EXOC2: variants seen among roughly 807,000 people sequenced by gnomAD.
The protein encoded by EXOC2 is SEC5-like 1.
In EXOC2, 70 loss-of-function variants were observed where a neutral mutation model predicts 131.8. That is an observed-to-expected ratio of 0.53 (90% CI 0.44 to 0.65). The LOEUF is 0.65. Ranked by LOEUF, EXOC2 falls within the 30% of genes least tolerant of loss-of-function variation. EXOC2 has a pLI of 0.00. For synonymous variants in EXOC2, 411 were observed against 398.4 expected (o/e 1.03, Z -0.38); for missense variants, 923 against 1,108.6 (o/e 0.83, Z 2.38).
intron 23 of EXOC2, among the ~76,000 whole-genome samples, chr6:510,682 A>G (rs1213847676): frequency 1.3e-5 from 2 of 152,208 alleles, no homozygotes; most frequent in Non-Finnish European, 2.9e-5. Flanking sequence ...TTATCCTAAC[A>G]TAAGATGTCA....
intron 6 of EXOC2, among the ~76,000 whole-genome samples, chr6:613,768 T>A (rs926104105): frequency 6.6e-6 from 1 of 152,152 alleles, no homozygotes; most frequent in Non-Finnish European, 1.5e-5. Context: ...CATCAGGAGA[T>A]ATACCTAATG....
intron 4 of EXOC2, among the ~76,000 whole-genome samples, chr6:622,395 G>A (rs980750577): frequency 6.6e-6 from 1 of 152,136 alleles, no homozygotes; most frequent in Non-Finnish European, 1.5e-5. Context: ...ACGAAAGAAG[G>A]CTGAGAAGTC....
chr6:532,688 C>G, intron 22 of EXOC2, 78 bp from the exon 23 acceptor site: 1 of 1,269,796 alleles, frequency 7.9e-7, no homozygotes, highest in South Asian at 2.5e-5. Flanking sequence ...ACAATAAATA[C>G]TTCAGACTAT....
At chr6:578,693 G>A (rs1446572284) in intron 11 of EXOC2, among the ~76,000 whole-genome samples, 1 of 152,146 alleles carries the variant, frequency 6.6e-6, no homozygotes, top group Non-Finnish European at 1.5e-5. Flanking sequence ...AATAAATGCT[G>A]TGCATACATT....
intron 23 of EXOC2, among the ~76,000 whole-genome samples, chr6:518,701 A>C (rs1765297079): frequency 6.6e-6 from 1 of 152,222 alleles, no homozygotes; most frequent in Admixed American, 6.5e-5. Context: ...ACAGCTTATA[A>C]AGAAGAAGAA....
At chr6:526,665 C>T (rs1261097107) in intron 23 of EXOC2, among the ~76,000 whole-genome samples, 1 of 151,990 alleles carries the variant, frequency 6.6e-6, no homozygotes, top group Non-Finnish European at 1.5e-5. Flanking sequence ...GTCTTGAACT[C>T]CCGACCTCAG....
chr6:683,253 A>G (rs1253512734), intron 1 of EXOC2, among the ~76,000 whole-genome samples: 1 of 152,246 alleles, frequency 6.6e-6, no homozygotes. Context: ...TAAAGAAGCT[A>G]AACAATGCAA....
chr6:540,901 A>G (rs1642610730), intron 22 of EXOC2, among the ~76,000 whole-genome samples: 2 of 152,252 alleles, frequency 1.3e-5, no homozygotes, highest in African/African-American at 4.8e-5. Context: ...AAAGGAGCCA[A>G]GGAAAAACCT....
chr6:554,708 T>C (rs965008327), intron 20 of EXOC2, among the ~76,000 whole-genome samples: 4 of 142,424 alleles, frequency 2.8e-5, no homozygotes, highest in African/African-American at 5.5e-5. Context: ...CAAGTATAAT[T>C]CAGAAAGAAC....
At chr6:671,926 A>T (rs1455459541) in intron 1 of EXOC2, among the ~76,000 whole-genome samples, 2 of 151,798 alleles carry the variant, frequency 1.3e-5, no homozygotes, top group Non-Finnish European at 2.9e-5. Flanking sequence ...TTATTTATTT[A>T]TTTTTTGGTA....
intron 13 of EXOC2, 52 bp from the exon 14 acceptor site, chr6:564,981 A>G: frequency 2.1e-6 from 3 of 1,445,252 alleles, no homozygotes; most frequent in Non-Finnish European, 2.8e-6. Context: ...TTTAAAAATA[A>G]GAAATGCTTT....
intron 4 of EXOC2, among the ~76,000 whole-genome samples, chr6:624,838 C>A (rs1262565135): frequency 6.6e-6 from 1 of 152,174 alleles, no homozygotes; most frequent in Non-Finnish European, 1.5e-5. Context: ...TACGTTTGTT[C>A]AGAATAACTG....
chr6:657,486 C>T (rs1021450673), intron 1 of EXOC2, among the ~76,000 whole-genome samples: 3 of 152,206 alleles, frequency 2.0e-5, no homozygotes, highest in Non-Finnish European at 2.9e-5. Flanking sequence ...TGGCTGCTCA[C>T]TTTTCCAGTG....
chr6:578,473 A>C (rs1758708120), intron 11 of EXOC2, among the ~76,000 whole-genome samples: 1 of 152,114 alleles, frequency 6.6e-6, no homozygotes, highest in African/African-American at 2.4e-5. Flanking sequence ...AGAGGAGGTA[A>C]ATAGTGATTG....
intron 25 of EXOC2, among the ~76,000 whole-genome samples, chr6:492,875 C>A (rs1457803891): frequency 6.6e-6 from 1 of 152,142 alleles, no homozygotes; most frequent in Admixed American, 6.5e-5. Flanking sequence ...ATTGCATATT[C>A]TTTTTCTATT....
chr6:575,373 A>C (rs1337274382), intron 12 of EXOC2, among the ~76,000 whole-genome samples: 1 of 152,206 alleles, frequency 6.6e-6, no homozygotes, highest in Non-Finnish European at 1.5e-5. Flanking sequence ...ATGTAAATTA[A>C]GTGAGCACCA....
chr6:507,067 CACA>C (rs1764579521), intron 23 of EXOC2, among the ~76,000 whole-genome samples: 3 of 131,046 alleles, frequency 2.3e-5, no homozygotes, highest in Non-Finnish European at 5.2e-5. Flanking sequence ...AGTGATCCCA[CACA>C]CACACACACA....
At chr6:609,600 T>C (rs982443636) in intron 7 of EXOC2, among the ~76,000 whole-genome samples, 2 of 152,340 alleles carry the variant, frequency 1.3e-5, no homozygotes, top group East Asian at 3.9e-4. Context: ...TTACAAAATA[T>C]CTCAGATTTA....
At chr6:643,405 A>G (rs1762442258) in intron 1 of EXOC2, among the ~76,000 whole-genome samples, 1 of 152,200 alleles carries the variant, frequency 6.6e-6, no homozygotes, top group South Asian at 2.1e-4. Flanking sequence ...ATAGAAACAC[A>G]ATATCCAGAA....
Sources: gnomAD v4.1 joint callset for allele counts (sites outside exome capture counted in the v4.1 genomes callset) on GRCh38, gnomAD v4.1.1 for gene constraint, MANE v1.5 for transcripts, NCBI Gene and HGNC (gene_info 2026-07-23, HGNC 2026-07-21) for gene names.